The following DNAL1 variants were observed in gnomAD, a reference collection of about 807,000 sequenced individuals.
The protein encoded by DNAL1 is chromosome 14 open reading frame 168.
A neutral mutation model predicts 29.4 loss-of-function variants in DNAL1; 17 were observed. That is an observed-to-expected ratio of 0.58 (90% confidence interval 0.40 to 0.87). The LOEUF is 0.87. Ranked by LOEUF, DNAL1 falls within the 40% of genes least tolerant of loss-of-function variation. The pLI is 0.00. For synonymous variants in DNAL1, 78 were observed against 76.3 expected (o/e 1.02, Z -0.12); for missense variants, 188 against 214.1 (o/e 0.88, Z 0.76).
intron 1 of DNAL1, among the ~76,000 whole-genome samples, chr14:73,652,021 T>C (rs769904096): frequency 9.9e-5 from 15 of 152,190 alleles, no homozygotes; most frequent in Non-Finnish European, 2.2e-4. Context: ...TTTTTCTGTA[T>C]ATGTGTATGT....
rs141638334 is a variant in DNAL1, at chr14:73,667,940, GACTT to G, written c.209-3595_209-3592del. ...TAATTTCTTTCATATTATACGTATG[GACTT>G]ACTTACAACCAAGAATATTTCTTCT... On this transcript the variant is annotated intron_variant, in intron 4 of 7. Transcript: ENST00000553645. Among the ~76,000 whole-genome samples the G allele has an allele frequency of 8.1e-3, 1,225 of 152,124 alleles. 24 individuals are homozygous for G. The highest frequency in any genetic ancestry group is 0.028 in the African/African-American group (1,162 of 41,494).
intron 4 of DNAL1, among the ~76,000 whole-genome samples, chr14:73,663,327 T>A (rs1254280208): frequency 6.6e-6 from 1 of 150,978 alleles, no homozygotes; most frequent in Non-Finnish European, 1.5e-5. Flanking sequence ...TGCCTCAGTC[T>A]CCTGAGTAGC....
chr14:73,687,802 G>A lies in DNAL1; in HGVS notation c.391+417G>A, dbSNP rs1892056769. On this transcript the variant is annotated intron_variant, in intron 6 of 7. Transcript: ENST00000553645. ...GCAGGAAAATGGCGTGAACCCGGGAGGCGGAGCTTGCAGTGAGCCGAGATC... is the reference window on the plus strand; with the variant it reads ...GCAGGAAAATGGCGTGAACCCGGGAAGCGGAGCTTGCAGTGAGCCGAGATC... 2.0e-5 allele frequency among the ~76,000 whole-genome samples: 3 copies of A among 152,260 alleles called. 1 individual carries two copies. In the South Asian group the frequency reaches 6.2e-4, roughly 32 times the overall value.
At chr14:73,651,741 C>T (rs1018275324) in intron 1 of DNAL1, among the ~76,000 whole-genome samples, 2 of 152,194 alleles carry the variant, frequency 1.3e-5, no homozygotes, top group Non-Finnish European at 2.9e-5. Flanking sequence ...ATTGCAACCT[C>T]CACCTCCTGG....
chr14:73,660,092 A>G (rs947648507), intron 3 of DNAL1, among the ~76,000 whole-genome samples: 1 of 140,004 alleles, frequency 7.1e-6, no homozygotes, highest in African/African-American at 2.5e-5. Flanking sequence ...ACACCCATCT[A>G]ATTTTTTTTG....
intron 5 of DNAL1, among the ~76,000 whole-genome samples, chr14:73,681,454 A>G (rs1278593220): frequency 1.3e-5 from 2 of 150,736 alleles, no homozygotes; most frequent in Non-Finnish European, 2.9e-5. Context: ...AACACTGTAC[A>G]CAGGCTACAC....
chr14:73,677,455 G>A (rs115264559), intron 5 of DNAL1, among the ~76,000 whole-genome samples: 1,800 of 151,808 alleles, frequency 0.012, 36 homozygotes, highest in African/African-American at 0.041. Context: ...ACAGGCCACT[G>A]TTCGCGGCAA....
At chr14:73,653,861 T>G (rs1034823568) in intron 1 of DNAL1, among the ~76,000 whole-genome samples, 2 of 152,230 alleles carry the variant, frequency 1.3e-5, no homozygotes, top group Non-Finnish European at 2.9e-5. Context: ...ATATATTAAA[T>G]TGAATCTAAG....
At chr14:73,649,053 G>A (rs1891050621) in intron 1 of DNAL1, among the ~76,000 whole-genome samples, 1 of 151,894 alleles carries the variant, frequency 6.6e-6, no homozygotes, top group South Asian at 2.1e-4. Flanking sequence ...TGGGCTCACT[G>A]CATCCTCCAC....
intron 2 of DNAL1, among the ~76,000 whole-genome samples, chr14:73,656,434 CTT>C (rs558976461): frequency 1.7e-4 from 22 of 132,580 alleles, no homozygotes; most frequent in East Asian, 2.1e-4. Flanking sequence ...ACATTTTTGA[CTT>C]TTTTTTTTTT....
chr14:73,677,558 ATTTAT>A (rs926114118), intron 5 of DNAL1, among the ~76,000 whole-genome samples: 1 of 147,834 alleles, frequency 6.8e-6, no homozygotes, highest in Non-Finnish European at 1.5e-5. Flanking sequence ...TTATTTATTT[ATTTAT>A]TTATTTTTTT....
At chr14:73,692,491 C>G (rs975347202) in intron 7 of DNAL1, among the ~76,000 whole-genome samples, 1 of 151,574 alleles carries the variant, frequency 6.6e-6, no homozygotes, top group Non-Finnish European at 1.5e-5. Flanking sequence ...GAAACCCCGT[C>G]TCTACTAAAA....
At chr14:73,651,653 C>T (rs893208607) in intron 1 of DNAL1, among the ~76,000 whole-genome samples, 2 of 151,962 alleles carry the variant, frequency 1.3e-5, no homozygotes, top group African/African-American at 2.4e-5. Flanking sequence ...TGTTTGCTTA[C>T]GATATTTATT....
At chr14:73,658,415 G>A (rs1449179407) in intron 2 of DNAL1, among the ~76,000 whole-genome samples, 1 of 151,786 alleles carries the variant, frequency 6.6e-6, no homozygotes, top group Non-Finnish European at 1.5e-5. Context: ...ATGAATTTTA[G>A]GATTTTTTTC....
rs56225198 is a variant in DNAL1 at position 73,694,237 on chromosome 14, TATAAATAAATAAATAAATAAATAA to T, written c.533-1635_533-1612del. 9.8e-4 allele frequency among the ~76,000 whole-genome samples: 125 copies of T among 128,122 alleles called. 1 individual carries two copies. Among genetic ancestry groups the T allele is most frequent in the South Asian group, 5.2e-3 (19 of 3,650 alleles). The allele number at this position is 128,122 out of a possible 152,430, so 84.1% of individuals were successfully genotyped here. ...CCTGGGCAACATAGCAAGCCCTGTC[TATAAATAAATAAATAAATAAATAA>T]ATAAATAAATAAATAAATAAATAAA... On this transcript the variant is annotated intron_variant, in intron 7 of 7. Coordinates refer to ENST00000553645, the MANE Select transcript of DNAL1 (RefSeq NM_031427.4).
chr14:73,670,037 G>T (rs563652807), intron 4 of DNAL1, among the ~76,000 whole-genome samples: 24 of 151,982 alleles, frequency 1.6e-4, no homozygotes, highest in African/African-American at 5.5e-4. Flanking sequence ...CTTACCATGG[G>T]TTACACATTT....
intron 7 of DNAL1, 115 bp downstream of exon 7, chr14:73,689,630 C>A: frequency 2.8e-6 from 4 of 1,444,800 alleles, no homozygotes; most frequent in Non-Finnish European, 3.8e-6. Flanking sequence ...TCTTCCAGGT[C>A]ATTTCTATCT....
At chr14:73,660,590 G>A (rs1891318978) in intron 3 of DNAL1, among the ~76,000 whole-genome samples, 2 of 152,254 alleles carry the variant, frequency 1.3e-5, no homozygotes, top group South Asian at 4.1e-4. Context: ...GTAATTCTAG[G>A]ACACATATTT....
intron 4 of DNAL1, among the ~76,000 whole-genome samples, chr14:73,670,029 T>TA: frequency 6.6e-6 from 1 of 152,152 alleles, no homozygotes; most frequent in Non-Finnish European, 1.5e-5. Context: ...ATTGTGTACT[T>TA]ACCATGGGTT....
Sources: allele counts gnomAD v4.1 joint callset (sites outside exome capture counted in the v4.1 genomes callset), GRCh38; gene constraint gnomAD v4.1.1; transcripts MANE v1.5; gene names NCBI Gene and HGNC (gene_info 2026-07-23, HGNC 2026-07-21).